The following FAM174A variants were observed in gnomAD, a reference collection of about 807,000 sequenced individuals.
FAM174A encodes membrane protein FAM174A.
FAM174A carries 14 observed loss-of-function variants against 14.3 expected under a neutral mutation model. That is an observed-to-expected ratio of 0.98 (90% CI 0.65 to 1.53). The LOEUF is 1.53. FAM174A is among the 40% of genes most tolerant of loss of function. The pLI is 0.00. For missense variants in FAM174A, 241 were observed against 249.6 expected, an observed-to-expected ratio of 0.97 and a Z score of 0.23; for synonymous variants, 108 against 111.4, an observed-to-expected ratio of 0.97 and a Z score of 0.19.
chr5:100,583,773 C>T (rs1747065488), intron 2 of FAM174A, among the ~76,000 whole-genome samples: 1 of 152,126 alleles, frequency 6.6e-6, no homozygotes, highest in South Asian at 2.1e-4. Context: ...CTTGATGGCT[C>T]TCAAGTCTTT....
At chr5:100,572,605 T>C (rs1378600278) in intron 2 of FAM174A, among the ~76,000 whole-genome samples, 3 of 152,060 alleles carry the variant, frequency 2.0e-5, no homozygotes, top group Non-Finnish European at 4.4e-5. Flanking sequence ...GGCTGCATAG[T>C]ATTCCATGGT....
At chr5:100,549,729 A>G (rs1746228501) in intron 1 of FAM174A, among the ~76,000 whole-genome samples, 1 of 151,754 alleles carries the variant, frequency 6.6e-6, no homozygotes, top group South Asian at 2.1e-4. Flanking sequence ...AGATTGTGGT[A>G]GGGGCAGAGC....
At chr5:100,573,100 T>G (rs1746826648) in intron 2 of FAM174A, among the ~76,000 whole-genome samples, 1 of 152,156 alleles carries the variant, frequency 6.6e-6, no homozygotes, top group Non-Finnish European at 1.5e-5. Context: ...GATGGGGTTA[T>G]TTGTTTTTTT....
intron 1 of FAM174A, among the ~76,000 whole-genome samples, chr5:100,542,402 T>C (rs1296770727): frequency 6.6e-6 from 1 of 152,206 alleles, no homozygotes; most frequent in Non-Finnish European, 1.5e-5. Context: ...ATCCCATGTC[T>C]CTCTTTTGCT....
At chr5:100,555,616 C>T (rs1167709149) in intron 1 of FAM174A, among the ~76,000 whole-genome samples, 1 of 152,054 alleles carries the variant, frequency 6.6e-6, no homozygotes, top group Non-Finnish European at 1.5e-5. Flanking sequence ...TGAATGATCG[C>T]CATTCTAACT....
chr5:100,564,835 G>A (rs766928119), intron 2 of FAM174A, among the ~76,000 whole-genome samples: 3 of 151,644 alleles, frequency 2.0e-5, no homozygotes, highest in Non-Finnish European at 2.9e-5. Context: ...AAAGAAATTC[G>A]AAGTCCAAAC....
At chr5:100,581,562 T>TC (rs200916754) in intron 2 of FAM174A, 9,058 of 159,978 alleles carry the variant, frequency 0.057, 910 homozygotes, top group African/African-American at 0.2. Context: ...AGACCTCGCT[T>TC]AAGGCTGGAA....
chr5:100,581,021 C>T (rs560627852), intron 2 of FAM174A, among the ~76,000 whole-genome samples: 7 of 152,204 alleles, frequency 4.6e-5, no homozygotes, highest in East Asian at 1.9e-4. Context: ...CTCTGCCTCC[C>T]GGGTTCAAGC....
At chr5:100,549,932 T>G (rs568460788) in intron 1 of FAM174A, among the ~76,000 whole-genome samples, 3 of 152,270 alleles carry the variant, frequency 2.0e-5, no homozygotes, top group Admixed American at 2.0e-4. Flanking sequence ...AATATCTCAT[T>G]TTCTTCTGTA....
At chr5:100,542,937 A>G (rs1249017978) in intron 1 of FAM174A, among the ~76,000 whole-genome samples, 4 of 151,926 alleles carry the variant, frequency 2.6e-5, no homozygotes, top group Non-Finnish European at 5.9e-5. Flanking sequence ...ATATATATGT[A>G]TATACACATA....
At position 100,535,819 on chromosome 5, in the gene FAM174A, G is replaced by C; in HGVS notation, c.289G>C (p.Gly97Arg). 6.2e-7 allele frequency: 1 copy of C among 1,610,746 alleles called. No homozygotes were observed. Among genetic ancestry groups the C allele is most frequent in the Non-Finnish European group, 8.5e-7 (1 of 1,179,778 alleles). The change falls in exon 1 of 3, where the codon GGA becomes CGA. Residue 97 changes from glycine to arginine, a missense_variant. By Grantham distance (125) the Gly-to-Arg change is moderately radical (BLOSUM62 -2). Transcript: ENST00000312637. Reference sequence around the variant, plus strand: ...GGCCGGGCTTGAGACGGACGATCACGGAGGGAAGGCCGGGGAAGGCTCGGT... The same window carrying C: ...GGCCGGGCTTGAGACGGACGATCACCGAGGGAAGGCCGGGGAAGGCTCGGT... ...PVAGLETDDH[G>R]GKAGEGSVGG...
intron 1 of FAM174A, among the ~76,000 whole-genome samples, chr5:100,537,921 A>T (rs1267916913): frequency 1.3e-5 from 2 of 152,108 alleles, no homozygotes; most frequent in African/African-American, 4.8e-5. Flanking sequence ...TTAAATACAC[A>T]TATTTATTAC....
Position 100,554,666 on chromosome 5 carries a change from T to A in FAM174A, c.435-7388T>A, listed in dbSNP as rs539156283. Among the ~76,000 whole-genome samples, 5 of 152,246 alleles carry A rather than the reference T, an allele frequency of 3.3e-5. No individual in the cohort carries two copies. The South Asian group carries it at 1.0e-3, about 32-fold the overall frequency. On this transcript the variant is annotated intron_variant, in intron 1 of 2. Coordinates refer to ENST00000312637, the MANE Select transcript of FAM174A (RefSeq NM_198507.3). ...ACATTTATTATTTCTTTTCTTTGTT[T>A]GCTAATTACTTTCATAAGTCTAAAT...
Position 100,535,633 on chromosome 5 carries a change from C to T in FAM174A, c.103C>T (p.Gln35Ter), listed in dbSNP as rs199934593. 5.6e-6 allele frequency: 9 copies of T among 1,613,056 alleles called. No individual in the cohort carries two copies. In the East Asian group the frequency reaches 2.0e-4, roughly 36 times the overall value. The change falls in exon 1 of 3, where the codon CAG becomes TAG. Residue 35 changes from glutamine to a stop codon, truncating the protein, a stop_gained. Coordinates refer to ENST00000312637, the MANE Select transcript of FAM174A (RefSeq NM_198507.3). LOFTEE classifies it high-confidence loss of function. ...AAGCGGGCCCCTGGCAGTCCTGCTG[C>T]AGGCAGCCGAGGCCGCGCCAGGTCT... ...ELSGPLAVLLQAAEAAPGLGP... is the reference protein window; with the variant it reads ...ELSGPLAVLL
intron 2 of FAM174A, among the ~76,000 whole-genome samples, chr5:100,578,510 A>T: frequency 6.6e-6 from 1 of 152,208 alleles, no homozygotes; most frequent in Non-Finnish European, 1.5e-5. Flanking sequence ...AAACTTAAGA[A>T]CATCCAGCAA....
intron 2 of FAM174A, among the ~76,000 whole-genome samples, chr5:100,576,878 T>G (rs566215843): frequency 1.3e-5 from 2 of 152,320 alleles, no homozygotes; most frequent in South Asian, 4.1e-4. Flanking sequence ...AAAACAAATC[T>G]CAGTTCTTGG....
rs369211413 is a variant in FAM174A, at chr5:100,536,954, C to T, written c.434+990C>T. Among the ~76,000 whole-genome samples the T allele has an allele frequency of 4.6e-5, 7 of 152,310 alleles. No homozygotes were observed. The South Asian group carries it at 1.4e-3, about 32-fold the overall frequency. ...GGTGGGAGTTTCACTTAGACCTCTT[C>T]AGGGCATCTACAGTATTAAAACTAT... On this transcript the variant is annotated intron_variant, in intron 1 of 2. Transcript: ENST00000312637.
intron 1 of FAM174A, among the ~76,000 whole-genome samples, chr5:100,549,620 T>G (rs1246569015): frequency 6.6e-6 from 1 of 151,974 alleles, no homozygotes; most frequent in Non-Finnish European, 1.5e-5. Flanking sequence ...TTTTTTTTTT[T>G]TTTGACCTTT....
Position 100,535,723 on chromosome 5 carries a change from C to T in FAM174A, c.193C>T (p.Gln65Ter), listed in dbSNP as rs1408588517. The part of the protein sequence containing the change: ...PLPPGPTPAQ[Q>*]PGRGLAEAAG... The stretch of plus-strand genomic sequence containing the variant: ...GCCACCGGGCCCTACCCCTGCCCAG[C>T]AGCCGGGCCGTGGTCTGGCTGAAGC... Residue 65 changes from glutamine (Q) to a stop codon, truncating the protein, a stop_gained, in exon 1 of 3, where the codon CAG (glutamine) becomes TAG (stop). Transcript: ENST00000312637. LOFTEE classifies it high-confidence loss of function. 1 of 1,605,028 alleles carries T rather than the reference C, an allele frequency of 6.2e-7. No homozygotes were observed. The highest frequency in any genetic ancestry group is 1.1e-5 in the South Asian group (1 of 90,788).
Sources: allele counts gnomAD v4.1 joint callset (sites outside exome capture counted in the v4.1 genomes callset), GRCh38; gene constraint gnomAD v4.1.1; transcripts MANE v1.5; gene names NCBI Gene and HGNC (gene_info 2026-07-23, HGNC 2026-07-21).